The following ARAP2 variants were observed in gnomAD, a reference collection of about 807,000 sequenced individuals.
The protein encoded by ARAP2 is ArfGAP with RhoGAP domain, ankyrin repeat and PH domain 2.
A neutral mutation model predicts 194.5 loss-of-function variants in ARAP2; 148 were observed. The observed-to-expected ratio is 0.76, with a 90% CI of 0.67 to 0.87. ARAP2 has a LOEUF of 0.87. Among genes scored for constraint, ARAP2 ranks in the 40% least tolerant of loss-of-function variants. ARAP2 has a pLI of 0.00. For synonymous variants in ARAP2, 695 were observed against 683.5 expected, an observed-to-expected ratio of 1.02 and a Z score of -0.26; for missense variants, 2,128 against 1,989.7, an observed-to-expected ratio of 1.07 and a Z score of -1.32.
chr4:36,188,284 G>C (rs939706359), intron 7 of ARAP2, among the ~76,000 whole-genome samples: 1 of 151,648 alleles, frequency 6.6e-6, no homozygotes, highest in African/African-American at 2.4e-5. Context: ...ATGTTTTCTG[G>C]GCCCCGTGTT....
chr4:36,169,532 C>CTTT (rs200988075), intron 9 of ARAP2, among the ~76,000 whole-genome samples: 2 of 136,344 alleles, frequency 1.5e-5, no homozygotes, highest in Admixed American at 7.3e-5. Flanking sequence ...GCAAAGATGA[C>CTTT]TTTTTTTTTT....
Position 36,210,509 on chromosome 4 carries a change from T to C in ARAP2, c.1368A>G (p.Thr456=). Residue 456 remains threonine (T), a synonymous_variant, in exon 6 of 33, where the codon ACA becomes ACG. Coordinates refer to ENST00000303965, the MANE Select transcript of ARAP2 (RefSeq NM_015230.4). ...VNRHSYPLSS[T]SGNADSSAVS... is the part of the protein sequence containing the mutation. The stretch of plus-strand genomic sequence containing the variant: ...CGGCTGATGAATCAGCATTTCCACT[T>C]GTTGAGCTTAACGGATAACTGTGCC... The C allele has an allele frequency of 6.2e-7, 1 of 1,613,850 alleles. No individual in the cohort carries two copies. The highest frequency in any genetic ancestry group is 1.1e-5 in the South Asian group (1 of 91,076).
At chr4:36,133,147 C>G in intron 20 of ARAP2, 79 bp downstream of exon 20, 1 of 1,442,916 alleles carries the variant, frequency 6.9e-7, no homozygotes, top group Non-Finnish European at 9.5e-7. Flanking sequence ...TAACTCAGTC[C>G]AATAGAGGTA....
At chr4:36,221,297 C>T (rs1397795402) in intron 2 of ARAP2, among the ~76,000 whole-genome samples, 7 of 151,866 alleles carry the variant, frequency 4.6e-5, no homozygotes, top group Admixed American at 4.6e-4. Context: ...GTGTGGCCAT[C>T]GTCAAAGGAC....
At position 36,067,662 on chromosome 4, in the gene ARAP2, T is replaced by C. The variant is rs1051904863; in HGVS notation, c.*245A>G. The C allele has an allele frequency of 4.0e-5, 14 of 350,412 alleles. No homozygotes were observed. The highest frequency in any genetic ancestry group is 6.1e-5 in the Non-Finnish European group (12 of 195,182). 21.7% of individuals were successfully genotyped at this position (350,412 alleles called of 1,614,324 possible). ...AGGACTGACCACCTAAGTAACCCAA[T>C]GTCTTCTTACACACGTTAATACAAT... On this transcript the variant is annotated 3_prime_UTR_variant, in exon 33 of 33. Coordinates refer to ENST00000303965, the MANE Select transcript of ARAP2 (RefSeq NM_015230.4).
At chr4:36,130,763 G>A (rs1014926674) in intron 20 of ARAP2, among the ~76,000 whole-genome samples, 1 of 151,848 alleles carries the variant, frequency 6.6e-6, no homozygotes, top group Non-Finnish European at 1.5e-5. Flanking sequence ...GTTACACAGT[G>A]CCTAGAACTA....
rs748817719 is a variant in ARAP2, at chr4:36,091,880, C to G, written c.4425+1G>C. The G allele has an allele frequency of 5.7e-6, 9 of 1,592,874 alleles. No homozygotes were observed. The highest frequency in any genetic ancestry group is 6.9e-6 in the Non-Finnish European group (8 of 1,165,888). On this transcript the variant is annotated splice_donor_variant, in intron 28 of 32. Transcript: ENST00000303965. LOFTEE classifies it high-confidence loss of function. ...AATGTACGCATGTTCAAATACTATACCTTCACATCCTTGTAAAGAAAGAGA... is the reference window on the plus strand; with the variant it reads ...AATGTACGCATGTTCAAATACTATAGCTTCACATCCTTGTAAAGAAAGAGA...
At chr4:36,193,475 A>G in intron 7 of ARAP2, 103 bp downstream of exon 7, 7 of 594,220 alleles carry the variant, frequency 1.2e-5, no homozygotes, top group South Asian at 3.2e-5. Context: ...AATTCTTTTC[A>G]TGTTGAGAAT....
At position 36,014,224 on chromosome 4, in the gene ARAP2, C is replaced by CGGAAGAAAGAAAGAAAGAAA. The variant is rs1392259044; in HGVS notation, n.1056+1161_1056+1162insTTTCTTTCTTTCTTTCTTCC. Among the ~76,000 whole-genome samples, 606 of 61,682 alleles carry CGGAAGAAAGAAAGAAAGAAA rather than the reference C, an allele frequency of 9.8e-3. 96 individuals are homozygous for CGGAAGAAAGAAAGAAAGAAA. The highest frequency in any genetic ancestry group is 0.023 in the African/African-American group (380 of 16,432). The allele number at this position is 61,682 out of a possible 152,430, so 40.5% of individuals were successfully genotyped here. ...CCTAGGTGACAAAGTGAGACCCTAT[C>CGGAAGAAAGAAAGAAAGAAA]GAAAGAAAGAAAGAAAGAAAGAAAG... On this transcript the variant is annotated intron_variant and non_coding_transcript_variant, in intron 8 of 12. Transcript: ENST00000503225.
chr4:36,054,543 G>T (rs922795287), intron 2 of ARAP2, among the ~76,000 whole-genome samples: 1 of 152,106 alleles, frequency 6.6e-6, no homozygotes, highest in Non-Finnish European at 1.5e-5. Context: ...GCTGGAAAAT[G>T]GATTTTAATT....
chr4:36,068,419 A>C lies in ARAP2; in HGVS notation c.4744-141T>G, dbSNP rs144171341. On this transcript the variant is annotated intron_variant, in intron 32 of 32. Transcript: ENST00000303965. ...TAGGTCCTAACTTTACTTCGATACA[A>C]GTGGCATGTCTGAATTTATATACTA... The C allele has an allele frequency of 1.2e-4, 108 of 885,018 alleles. 1 individual carries two copies. In the Admixed American group the frequency reaches 1.6e-3, roughly 13 times the overall value. 54.8% of individuals were successfully genotyped at this position (885,018 alleles called of 1,614,324 possible).
chr4:36,189,427 C>T (rs1036959496), intron 7 of ARAP2, among the ~76,000 whole-genome samples: 3 of 152,114 alleles, frequency 2.0e-5, no homozygotes, highest in African/African-American at 7.2e-5. Flanking sequence ...TCAATATCCT[C>T]CTTCTGGCTA....
intron 19 of ARAP2, among the ~76,000 whole-genome samples, chr4:36,139,109 T>G (rs1274990871): frequency 1.4e-5 from 1 of 69,302 alleles, no homozygotes; most frequent in Non-Finnish European, 4.5e-5. Flanking sequence ...GATTTCATTT[T>G]ATTAACCATG....
intron 8 of ARAP2, among the ~76,000 whole-genome samples, chr4:36,182,136 G>C (rs1739418821): frequency 6.6e-6 from 1 of 152,200 alleles, no homozygotes; most frequent in Non-Finnish European, 1.5e-5. Context: ...GATAAGGACA[G>C]AAAGACCAAG....
At chr4:36,068,306 G>T in intron 32 of ARAP2, 28 bp from the exon 33 acceptor site, 1 of 1,499,292 alleles carries the variant, frequency 6.7e-7, no homozygotes, top group South Asian at 1.4e-5. Flanking sequence ...TGTCTCACAG[G>T]GAAGCAAGAT....
chr4:36,239,615 G>A (rs1288631163), intron 1 of ARAP2, among the ~76,000 whole-genome samples: 1 of 152,228 alleles, frequency 6.6e-6, no homozygotes, highest in Non-Finnish European at 1.5e-5. Context: ...TACCAGAGAG[G>A]AGAAGAGAGG....
intron 27 of ARAP2, 149 bp downstream of exon 27, chr4:36,107,416 T>G: frequency 1.4e-6 from 1 of 712,488 alleles, no homozygotes; most frequent in Non-Finnish European, 2.1e-6. Context: ...TGTCCATATA[T>G]TCTTCTTTCT....
intron 19 of ARAP2, 78 bp downstream of exon 19, chr4:36,147,218 C>T (rs1469712104): frequency 7.7e-7 from 1 of 1,306,432 alleles, no homozygotes; most frequent in Non-Finnish European, 1.1e-6. Flanking sequence ...TGTTTTCTCC[C>T]TCAAGATAAT....
chr4:36,152,807 A>G (rs1731317811), intron 15 of ARAP2, among the ~76,000 whole-genome samples: 1 of 152,238 alleles, frequency 6.6e-6, no homozygotes, highest in Admixed American at 6.5e-5. Flanking sequence ...GTATGAGGGA[A>G]GTCATAGAAA....
Sources: allele counts gnomAD v4.1 joint callset (sites outside exome capture counted in the v4.1 genomes callset), GRCh38; gene constraint gnomAD v4.1.1; transcripts MANE v1.5; gene names NCBI Gene and HGNC (gene_info 2026-07-23, HGNC 2026-07-21).